The following CLSTN2 variants were observed in gnomAD, a reference collection of about 807,000 sequenced individuals.
CLSTN2 encodes the protein calsyntenin-2.
A neutral mutation model predicts 101.2 loss-of-function variants in CLSTN2; 48 were observed. The ratio of observed to expected loss-of-function variants is 0.47; its 90% CI spans 0.38 to 0.60. The LOEUF (loss-of-function observed/expected upper bound fraction) is 0.60, where lower values mean the gene tolerates loss of function less well. Among genes scored for constraint, CLSTN2 ranks in the 20% least tolerant of loss-of-function variants. CLSTN2 has a pLI of 0.00. For synonymous variants in CLSTN2, 481 were observed against 463.6 expected, an observed-to-expected ratio of 1.04 and a Z score of -0.48; for missense variants, 1,160 against 1,238.2, an observed-to-expected ratio of 0.94 and a Z score of 0.95.
intron 9 of CLSTN2, 53 bp from the exon 10 acceptor site, chr3:140,546,462 T>C (rs1307749442): frequency 6.4e-7 from 1 of 1,574,448 alleles, no homozygotes; most frequent in Non-Finnish European, 8.7e-7. Flanking sequence ...TGCCTTGAGG[T>C]GCTGTTTCCT....
chr3:140,491,043 C>G (rs1934345163), intron 8 of CLSTN2, among the ~76,000 whole-genome samples: 1 of 152,156 alleles, frequency 6.6e-6, no homozygotes, highest in African/African-American at 2.4e-5. Flanking sequence ...GTCATACGTC[C>G]CTAATAAACT....
At chr3:140,095,676 G>A (rs1405626036) in intron 1 of CLSTN2, among the ~76,000 whole-genome samples, 2 of 152,176 alleles carry the variant, frequency 1.3e-5, no homozygotes, top group East Asian at 3.9e-4. Flanking sequence ...CCTGCATCCT[G>A]ATTATGAGTA....
intron 6 of CLSTN2, among the ~76,000 whole-genome samples, chr3:140,457,714 G>A (rs1159062396): frequency 6.6e-6 from 1 of 152,222 alleles, no homozygotes; most frequent in Non-Finnish European, 1.5e-5. Context: ...AGCATTGGGT[G>A]AATTTCCAGG....
chr3:140,343,528 G>T (rs1294489858), intron 2 of CLSTN2, among the ~76,000 whole-genome samples: 1 of 152,120 alleles, frequency 6.6e-6, no homozygotes, highest in Non-Finnish European at 1.5e-5. Flanking sequence ...ATCTTCCAGG[G>T]ACTATCAATG....
At chr3:140,398,238 G>T (rs749162104) in intron 2 of CLSTN2, among the ~76,000 whole-genome samples, 2 of 152,062 alleles carry the variant, frequency 1.3e-5, no homozygotes, top group Non-Finnish European at 2.9e-5. Context: ...CCATGCCAAG[G>T]TGTTTAAAGT....
intron 1 of CLSTN2, among the ~76,000 whole-genome samples, chr3:139,974,665 T>G (rs2107820538): frequency 6.6e-6 from 1 of 152,324 alleles, no homozygotes; most frequent in Admixed American, 6.5e-5. Flanking sequence ...TCCAAGTAAA[T>G]CCCTGTTAAG....
At chr3:140,305,411 G>T (rs976359566) in intron 2 of CLSTN2, among the ~76,000 whole-genome samples, 1 of 152,130 alleles carries the variant, frequency 6.6e-6, no homozygotes, top group Non-Finnish European at 1.5e-5. Flanking sequence ...TGTATAGTGT[G>T]GTGGGGGTAA....
Position 140,459,655 on chromosome 3 carries a change from A to T in CLSTN2, c.1108A>T (p.Ile370Phe). The T allele has an allele frequency of 1.9e-6, 3 of 1,614,104 alleles. No homozygotes were observed. Among genetic ancestry groups the T allele is most frequent in the South Asian group, 1.1e-5 (1 of 91,084 alleles). The change falls in exon 7 of 17, where the codon ATT (isoleucine) becomes TTT (phenylalanine). Residue 370 changes from isoleucine to phenylalanine, a missense_variant. Coordinates refer to ENST00000458420, the MANE Select transcript of CLSTN2 (RefSeq NM_022131.3). ...GRQGAKVPDG[I>F]VPKNLTDQFT... ...GCAGGGTGCCAAAGTCCCCGATGGG[A>T]TTGTGCCCAAGAACCTGACCGATCA...
intron 1 of CLSTN2, among the ~76,000 whole-genome samples, chr3:140,079,518 C>T (rs116346748): frequency 0.021 from 3,223 of 152,036 alleles, 130 homozygotes; most frequent in African/African-American, 0.073. Flanking sequence ...GGGAGGCCAA[C>T]GCAGGGGCAG....
At chr3:140,015,000 C>T (rs1272263168) in intron 1 of CLSTN2, among the ~76,000 whole-genome samples, 7 of 152,172 alleles carry the variant, frequency 4.6e-5, no homozygotes, top group Admixed American at 2.6e-4. Flanking sequence ...ACACGGGGCT[C>T]CTGGTCAGAG....
chr3:140,188,656 G>A (rs1348638384), intron 2 of CLSTN2, among the ~76,000 whole-genome samples: 1 of 152,160 alleles, frequency 6.6e-6, no homozygotes, highest in African/African-American at 2.4e-5. Flanking sequence ...GAAAGAGACT[G>A]ATGCTACCCA....
chr3:140,445,400 G>A (rs1417467273), intron 5 of CLSTN2, among the ~76,000 whole-genome samples: 1 of 152,172 alleles, frequency 6.6e-6, no homozygotes, highest in East Asian at 1.9e-4. Flanking sequence ...AGGGTGTCTT[G>A]GGTTTCTCCA....
intron 1 of CLSTN2, among the ~76,000 whole-genome samples, chr3:139,965,881 C>T (rs954251063): frequency 6.6e-5 from 10 of 152,198 alleles, no homozygotes; most frequent in Admixed American, 1.3e-4. Context: ...ACCTTCTCTC[C>T]CACTCTTCTT....
At chr3:140,370,241 C>G (rs1039167531) in intron 2 of CLSTN2, among the ~76,000 whole-genome samples, 1 of 152,172 alleles carries the variant, frequency 6.6e-6, no homozygotes, top group African/African-American at 2.4e-5. Flanking sequence ...CAAAGCACCC[C>G]CCATGCCCAC....
rs549262645 is a variant in CLSTN2 at position 140,515,429 on chromosome 3, T to C, written c.1345-16895T>C. 1.2e-4 allele frequency among the ~76,000 whole-genome samples: 18 copies of C among 152,258 alleles called. No individual in the cohort carries two copies. In the South Asian group the frequency reaches 3.7e-3, roughly 32 times the overall value. On this transcript the variant is annotated intron_variant, in intron 8 of 16. Transcript: ENST00000458420. ...GCTGTGTCTGGGCTTGGTTTGTTCT[T>C]GTTTCCCTAGTTCCTTGAGGTGTGG... is the stretch of plus-strand genomic sequence containing the variant.
At chr3:140,473,244 T>G (rs758693831) in intron 8 of CLSTN2, among the ~76,000 whole-genome samples, 4 of 152,236 alleles carry the variant, frequency 2.6e-5, no homozygotes, top group Non-Finnish European at 4.4e-5. Context: ...AGATTCCTGC[T>G]GCATGGCTTC....
chr3:140,034,927 T>G (rs1479743468), intron 1 of CLSTN2, among the ~76,000 whole-genome samples: 2 of 152,180 alleles, frequency 1.3e-5, no homozygotes, highest in East Asian at 3.9e-4. Flanking sequence ...ATCTAAGTAT[T>G]GTCATCCTTG....
chr3:140,408,083 G>A (rs2088324684), intron 4 of CLSTN2, among the ~76,000 whole-genome samples: 1 of 152,110 alleles, frequency 6.6e-6, no homozygotes, highest in Non-Finnish European at 1.5e-5. Flanking sequence ...AGAAGATACA[G>A]CAACACAGTA....
intron 2 of CLSTN2, among the ~76,000 whole-genome samples, chr3:140,191,593 A>G (rs1459843291): frequency 6.6e-6 from 1 of 151,884 alleles, no homozygotes; most frequent in African/African-American, 2.4e-5. Context: ...GAGCTCTTCA[A>G]TTCTCTATTT....
Sources: allele counts gnomAD v4.1 joint callset (sites outside exome capture counted in the v4.1 genomes callset), GRCh38; gene constraint gnomAD v4.1.1; transcripts MANE v1.5; gene names NCBI Gene and HGNC (gene_info 2026-07-23, HGNC 2026-07-21).